Variants in RGS22 observed in about 807,000 individuals in gnomAD.
The protein encoded by RGS22 is regulator of G-protein signaling 22.
Under a neutral mutation model 172.9 loss-of-function variants are expected in RGS22, and 148 were observed. The observed-to-expected ratio is 0.86, with a 90% CI of 0.75 to 0.98. The LOEUF is 0.98. Among genes scored for constraint, RGS22 ranks in the 50% least tolerant of loss-of-function variants. RGS22 has a pLI of 0.00. For missense variants in RGS22, 1,347 were observed against 1,440.8 expected (o/e 0.93, Z 1.05); for synonymous variants, 458 against 480.2 (o/e 0.95, Z 0.60).
chr8:100,087,628 G>A (rs935767037), intron 3 of RGS22, among the ~76,000 whole-genome samples: 3 of 152,044 alleles, frequency 2.0e-5, no homozygotes, highest in South Asian at 4.1e-4. Flanking sequence ...CTAATGACTA[G>A]GTTAATTTAA....
At chr8:99,985,407 G>A (rs1051162094) in intron 21 of RGS22, among the ~76,000 whole-genome samples, 5 of 152,108 alleles carry the variant, frequency 3.3e-5, no homozygotes, top group African/African-American at 9.7e-5. Context: ...CTCCCTCATG[G>A]CCCAATGCAA....
At chr8:100,053,793 G>A (rs1449241629) in intron 9 of RGS22, among the ~76,000 whole-genome samples, 2 of 151,944 alleles carry the variant, frequency 1.3e-5, no homozygotes, top group Non-Finnish European at 2.9e-5. Context: ...GTGCCACCAT[G>A]CCCGGCTAAT....
At chr8:100,099,973 T>G (rs1287610411) in intron 2 of RGS22, among the ~76,000 whole-genome samples, 1 of 152,176 alleles carries the variant, frequency 6.6e-6, no homozygotes, top group African/African-American at 2.4e-5. Context: ...TTTAACATAT[T>G]TTGTTTGAAA....
intron 14 of RGS22, among the ~76,000 whole-genome samples, chr8:100,026,817 A>C (rs939053241): frequency 1.3e-5 from 2 of 152,264 alleles, no homozygotes; most frequent in Admixed American, 1.3e-4. Flanking sequence ...AGAAAAAAGG[A>C]AACAGTTCCC....
intron 19 of RGS22, 61 bp from the exon 20 acceptor site, chr8:99,996,591 C>T: frequency 7.6e-7 from 1 of 1,311,550 alleles, no homozygotes; most frequent in South Asian, 1.2e-5. Context: ...AAATCATTTA[C>T]TAATTAAGTA....
intron 9 of RGS22, chr8:100,054,463 TGTTCCTGTAA>T (rs1488195970): frequency 6.5e-6 from 1 of 154,164 alleles, no homozygotes; most frequent in Non-Finnish European, 1.5e-5. Flanking sequence ...CATAGTGGCA[TGTTCCTGTAA>T]GTCCTATCTA....
At chr8:100,049,677 G>A (rs1004738057) in intron 10 of RGS22, among the ~76,000 whole-genome samples, 4 of 152,260 alleles carry the variant, frequency 2.6e-5, no homozygotes, top group Admixed American at 2.6e-4. Context: ...GGAAACATTC[G>A]TGCACTAAAG....
In RGS22 at chr8:99,985,330, T is replaced by C. The variant is rs181554205; in HGVS notation, c.3180+2128A>G. ...GCACATAGTAAACACTTAATAAGAG[T>C]AAGCCCTATAAGAGTTAGCTCGGTT... is the stretch of plus-strand genomic sequence containing the variant. On this transcript the variant is annotated intron_variant, in intron 21 of 27. Coordinates refer to ENST00000360863, the MANE Select transcript of RGS22 (RefSeq NM_015668.5). Among the ~76,000 whole-genome samples the C allele has an allele frequency of 2.8e-3, 426 of 152,206 alleles. 1 individual carries two copies. In the Middle Eastern group the frequency reaches 0.034, roughly 12 times the overall value.
At chr8:100,075,454 C>G (rs1359350599) in intron 4 of RGS22, among the ~76,000 whole-genome samples, 1 of 152,206 alleles carries the variant, frequency 6.6e-6, no homozygotes, top group Non-Finnish European at 1.5e-5. Flanking sequence ...ATGCTAGTGC[C>G]ATGCTTCTTA....
chr8:99,969,050 C>A (rs1455284297), intron 23 of RGS22, among the ~76,000 whole-genome samples: 1 of 152,146 alleles, frequency 6.6e-6, no homozygotes, highest in Non-Finnish European at 1.5e-5. Flanking sequence ...TCGGCAGAAA[C>A]CCCATAGGGT....
chr8:99,984,524 T>C (rs146294461), intron 21 of RGS22, among the ~76,000 whole-genome samples: 3 of 152,268 alleles, frequency 2.0e-5, no homozygotes, highest in Admixed American at 2.0e-4. Context: ...AAGCATACTT[T>C]CCTCTAGTAA....
chr8:100,002,211 C>T lies in RGS22; in HGVS notation c.2781G>A (p.Gln927=), dbSNP rs1177272083. Residue 927 remains glutamine, a synonymous_variant, in exon 18 of 28, where the codon CAG becomes CAA. Transcript: ENST00000360863. The part of the protein sequence containing the change: ...FGPNSPASLY[Q]QNQVMHLSGG... ...GTTTGCATGTTGATACCTGGTTCTGCTGATACAGAGAAGCTGGACTGTTGG... is the reference window on the plus strand; with the variant it reads ...GTTTGCATGTTGATACCTGGTTCTGTTGATACAGAGAAGCTGGACTGTTGG... 1.9e-6 allele frequency: 3 copies of T among 1,583,172 alleles called. No homozygotes were observed. Among genetic ancestry groups the T allele is most frequent in the Non-Finnish European group, 8.5e-7 (1 of 1,169,968 alleles).
chr8:100,004,765 T>C (rs1815498985), intron 16 of RGS22: 1 of 151,438 alleles, frequency 6.6e-6, no homozygotes, highest in Non-Finnish European at 1.5e-5. Context: ...TTAAAAGTTA[T>C]AGAGTAATAC....
At chr8:100,095,525 A>G (rs1812897456) in intron 2 of RGS22, among the ~76,000 whole-genome samples, 1 of 152,186 alleles carries the variant, frequency 6.6e-6, no homozygotes, top group East Asian at 1.9e-4. Context: ...TTTCAGACAG[A>G]TAACTTTGAA....
At chr8:100,097,553 A>G (rs368823801) in intron 2 of RGS22, among the ~76,000 whole-genome samples, 3 of 152,174 alleles carry the variant, frequency 2.0e-5, no homozygotes, top group Admixed American at 1.3e-4. Context: ...TTTAATTCTT[A>G]TATGTTTAAA....
At chr8:99,999,811 T>C (rs1198938822) in intron 18 of RGS22, among the ~76,000 whole-genome samples, 1 of 152,202 alleles carries the variant, frequency 6.6e-6, no homozygotes, top group African/African-American at 2.4e-5. Flanking sequence ...GTCATATTGA[T>C]CCACTTAAGA....
Position 100,043,557 on chromosome 8 carries a change from C to T in RGS22, c.1824-1641G>A, listed in dbSNP as rs1586096927. ...TTGGGAGGCTGAGGTAGGTGGATCACGTGAGGTCAGGAGTTTGAGACCAGC... is the reference window on the plus strand; with the variant it reads ...TTGGGAGGCTGAGGTAGGTGGATCATGTGAGGTCAGGAGTTTGAGACCAGC... On this transcript the variant is annotated intron_variant, in intron 11 of 27. Coordinates refer to ENST00000360863, the MANE Select transcript of RGS22 (RefSeq NM_015668.5). Among the ~76,000 whole-genome samples, 3 of 152,220 alleles carry T rather than the reference C, an allele frequency of 2.0e-5. No individual in the cohort carries two copies. In the South Asian group the frequency reaches 6.2e-4, roughly 32 times the overall value.
At chr8:99,983,202 T>A (rs1812734846) in intron 21 of RGS22, among the ~76,000 whole-genome samples, 1 of 152,198 alleles carries the variant, frequency 6.6e-6, no homozygotes, top group Non-Finnish European at 1.5e-5. Flanking sequence ...ATCAATCTAC[T>A]ACTGATGGGC....
intron 21 of RGS22, among the ~76,000 whole-genome samples, chr8:99,982,758 T>C (rs1258813939): frequency 2.0e-5 from 3 of 152,224 alleles, no homozygotes; most frequent in African/African-American, 4.8e-5. Flanking sequence ...TGTATTATCC[T>C]CTTTATAGAT....
Sources: allele counts gnomAD v4.1 joint callset (sites outside exome capture counted in the v4.1 genomes callset), GRCh38; gene constraint gnomAD v4.1.1; transcripts MANE v1.5; gene names NCBI Gene and HGNC (gene_info 2026-07-23, HGNC 2026-07-21).